The following NTM variants were observed in gnomAD, a reference collection of about 807,000 sequenced individuals.
NTM encodes the protein IgLON family member 2.
A neutral mutation model predicts 42.1 loss-of-function variants in NTM; 13 were observed. The ratio of observed to expected loss-of-function variants is 0.31; its 90% CI spans 0.20 to 0.49. NTM has a LOEUF of 0.49. Among genes scored for constraint, NTM ranks in the 20% least tolerant of loss-of-function variants. NTM has a pLI of 0.99. For missense variants in NTM, 373 were observed against 452.8 expected, an observed-to-expected ratio of 0.82 and a Z score of 1.60; for synonymous variants, 187 against 179.2, an observed-to-expected ratio of 1.04 and a Z score of -0.35.
intron 2 of NTM, among the ~76,000 whole-genome samples, chr11:132,136,963 A>G (rs1175568330): frequency 6.6e-6 from 1 of 152,140 alleles, no homozygotes; most frequent in African/African-American, 2.4e-5. Flanking sequence ...GCATGGGAGG[A>G]GCAAGGTAAT....
At chr11:132,294,155 A>T (rs1328259057) in intron 4 of NTM, among the ~76,000 whole-genome samples, 1 of 152,190 alleles carries the variant, frequency 6.6e-6, no homozygotes, top group Non-Finnish European at 1.5e-5. Flanking sequence ...CGGTAGTCAC[A>T]GGAGCAAGCT....
chr11:132,327,220 C>T (rs1190122062), intron 7 of NTM, among the ~76,000 whole-genome samples: 1 of 152,208 alleles, frequency 6.6e-6, no homozygotes, highest in Non-Finnish European at 1.5e-5. Context: ...AACTCAGCGG[C>T]TCCGTGGCTG....
intron 4 of NTM, among the ~76,000 whole-genome samples, chr11:132,259,717 C>T (rs1178092688): frequency 6.6e-6 from 1 of 151,384 alleles, no homozygotes; most frequent in Non-Finnish European, 1.5e-5. Flanking sequence ...ACCAATAAAT[C>T]AACTAGGACA....
chr11:131,454,756 G>A (rs1950744082), intron 1 of NTM, among the ~76,000 whole-genome samples: 1 of 152,070 alleles, frequency 6.6e-6, no homozygotes. Flanking sequence ...AATGACAGCT[G>A]CATTACATCC....
intron 1 of NTM, among the ~76,000 whole-genome samples, chr11:131,706,148 A>C (rs77440150): frequency 0.024 from 3,695 of 152,158 alleles, 138 homozygotes; most frequent in African/African-American, 0.078. Flanking sequence ...AGAAGATAAT[A>C]CATGCAGATG....
intron 2 of NTM, among the ~76,000 whole-genome samples, chr11:132,029,061 G>C (rs1273313366): frequency 3.8e-5 from 1 of 26,288 alleles, no homozygotes; most frequent in Non-Finnish European, 5.6e-5. Flanking sequence ...GGTTGGTGTG[G>C]GTTTTTTTTT....
intron 3 of NTM, among the ~76,000 whole-genome samples, chr11:132,170,896 G>A (rs555721066): frequency 1.3e-5 from 2 of 152,246 alleles, no homozygotes; most frequent in South Asian, 2.1e-4. Flanking sequence ...TGGGGATTGC[G>A]GTATTTGAGG....
intron 1 of NTM, among the ~76,000 whole-genome samples, chr11:131,711,284 G>A (rs1466693343): frequency 6.6e-6 from 1 of 151,824 alleles, no homozygotes; most frequent in African/African-American, 2.4e-5. Context: ...AAATTTACAA[G>A]AAAAAAACAA....
At chr11:131,392,360 C>T (rs967104032) in intron 1 of NTM, among the ~76,000 whole-genome samples, 1 of 151,598 alleles carries the variant, frequency 6.6e-6, no homozygotes, top group African/African-American at 2.4e-5. Context: ...CTGTGTGCAA[C>T]CACAGAGCCC....
chr11:131,808,496 T>A (rs1430069460), intron 1 of NTM, among the ~76,000 whole-genome samples: 1 of 152,200 alleles, frequency 6.6e-6, no homozygotes, highest in Non-Finnish European at 1.5e-5. Context: ...TCTGTGAACT[T>A]AAGAAAGCCA....
intron 1 of NTM, among the ~76,000 whole-genome samples, chr11:131,720,079 G>GGA (rs1384108112): frequency 1.3e-5 from 2 of 152,134 alleles, no homozygotes; most frequent in African/African-American, 4.8e-5. Context: ...ATCCAAAAAA[G>GGA]GAGATGGTCA....
intron 2 of NTM, among the ~76,000 whole-genome samples, chr11:132,109,515 T>A (rs904652112): frequency 6.6e-6 from 1 of 152,108 alleles, no homozygotes; most frequent in East Asian, 1.9e-4. Context: ...AGGAAAAAAA[T>A]TAAATATTTT....
chr11:132,024,303 T>G (rs1236837944), intron 2 of NTM, among the ~76,000 whole-genome samples: 1 of 152,168 alleles, frequency 6.6e-6, no homozygotes, highest in East Asian at 1.9e-4. Context: ...TTGAAAGGCT[T>G]GTGCAGTTGT....
intron 4 of NTM, among the ~76,000 whole-genome samples, chr11:132,285,749 C>T (rs1477464429): frequency 6.6e-6 from 1 of 152,196 alleles, no homozygotes; most frequent in Non-Finnish European, 1.5e-5. Context: ...GGACATCAAT[C>T]TTCCCCGACT....
intron 1 of NTM, among the ~76,000 whole-genome samples, chr11:131,889,773 G>A (rs2050975891): frequency 6.6e-6 from 1 of 152,032 alleles, no homozygotes; most frequent in African/African-American, 2.4e-5. Flanking sequence ...ACTGGGGGAA[G>A]GAAAGTACAG....
intron 1 of NTM, among the ~76,000 whole-genome samples, chr11:131,751,674 C>T (rs918915766): frequency 1.3e-5 from 2 of 151,818 alleles, no homozygotes; most frequent in African/African-American, 2.4e-5. Context: ...GCAGGAAAAT[C>T]GCTTGAACCC....
At chr11:131,541,509 TTGTGAGCTA>T (rs1456882875) in intron 1 of NTM, among the ~76,000 whole-genome samples, 1 of 152,182 alleles carries the variant, frequency 6.6e-6, no homozygotes, top group Non-Finnish European at 1.5e-5. Flanking sequence ...CTAGTCGATT[TTGTGAGCTA>T]TGTAAAGTCA....
chr11:131,745,092 C>T (rs1479957555), intron 1 of NTM, among the ~76,000 whole-genome samples: 1 of 152,206 alleles, frequency 6.6e-6, no homozygotes, highest in Non-Finnish European at 1.5e-5. Flanking sequence ...GCCTGGACTT[C>T]CACTGGGGTT....
chr11:131,654,992 G>C (rs906344416), intron 1 of NTM, among the ~76,000 whole-genome samples: 1 of 152,142 alleles, frequency 6.6e-6, no homozygotes, highest in African/African-American at 2.4e-5. Context: ...GTACTCAATC[G>C]GAAATGCTGG....
Sources: gnomAD v4.1 joint callset for allele counts (sites outside exome capture counted in the v4.1 genomes callset) on GRCh38, gnomAD v4.1.1 for gene constraint, MANE v1.5 for transcripts, NCBI Gene and HGNC (gene_info 2026-07-23, HGNC 2026-07-21) for gene names.